Variants in NRXN1 observed in about 807,000 individuals in gnomAD.
The protein encoded by NRXN1 is neurexin 1, also known as neurexin-1.
NRXN1 carries 39 observed loss-of-function variants against 150.9 expected under a neutral mutation model. That is an observed-to-expected ratio of 0.26 (90% CI 0.20 to 0.34). The LOEUF (loss-of-function observed/expected upper bound fraction) is 0.34, where lower values mean the gene tolerates loss of function less well. Ranked by LOEUF, NRXN1 falls within the 10% of genes least tolerant of loss-of-function variation. NRXN1 has a pLI of 1.00. For missense variants in NRXN1, 1,815 were observed against 1,949.9 expected (o/e 0.93, Z 1.30); for synonymous variants, 924 against 757.0 (o/e 1.22, Z -3.62).
chr2:50,942,857 T>C (rs537830708), intron 2 of NRXN1, among the ~76,000 whole-genome samples: 14 of 152,262 alleles, frequency 9.2e-5, no homozygotes, highest in African/African-American at 3.4e-4. Context: ...GAAGGCATGA[T>C]TGGTTTTGAA....
At chr2:50,806,315 C>T (rs940764766) in intron 5 of NRXN1, among the ~76,000 whole-genome samples, 1 of 152,072 alleles carries the variant, frequency 6.6e-6, no homozygotes, top group Non-Finnish European at 1.5e-5. Context: ...ATGGCTTCCA[C>T]GTTTGTAAAT....
At chr2:50,880,525 T>C (rs1359410358) in intron 5 of NRXN1, among the ~76,000 whole-genome samples, 1 of 152,034 alleles carries the variant, frequency 6.6e-6, no homozygotes, top group South Asian at 2.1e-4. Flanking sequence ...TACTCACTCA[T>C]CTTTGTTTTA....
intron 2 of NRXN1, among the ~76,000 whole-genome samples, chr2:50,952,327 T>C (rs1691523116): frequency 6.6e-6 from 1 of 152,126 alleles, no homozygotes; most frequent in East Asian, 1.9e-4. Context: ...TTCTCACACA[T>C]ACAAATACAA....
chr2:50,709,801 T>C (rs932936549), intron 5 of NRXN1, among the ~76,000 whole-genome samples: 1 of 152,192 alleles, frequency 6.6e-6, no homozygotes, highest in Non-Finnish European at 1.5e-5. Flanking sequence ...CTTTGGCTCA[T>C]ATTAAATTAC....
intron 5 of NRXN1, among the ~76,000 whole-genome samples, chr2:50,700,709 T>C (rs1042420766): frequency 2.2e-5 from 1 of 46,496 alleles, no homozygotes; most frequent in African/African-American, 2.7e-4. Flanking sequence ...ATTGACCATA[T>C]TTATTGATTT....
chr2:50,610,284 T>C (rs1677826308), intron 8 of NRXN1, among the ~76,000 whole-genome samples: 1 of 152,092 alleles, frequency 6.6e-6, no homozygotes, highest in Non-Finnish European at 1.5e-5. Flanking sequence ...CTTAGCAATG[T>C]GTTTTCTGAT....
At chr2:50,984,290 T>C (rs1480470257) in intron 2 of NRXN1, among the ~76,000 whole-genome samples, 3 of 151,700 alleles carry the variant, frequency 2.0e-5, no homozygotes, top group Non-Finnish European at 4.4e-5. Context: ...GTTCTCTGTA[T>C]TAGGCTGCCC....
At chr2:50,180,016 T>G in intron 18 of NRXN1, among the ~76,000 whole-genome samples, 1 of 152,112 alleles carries the variant, frequency 6.6e-6, no homozygotes, top group South Asian at 2.1e-4. Flanking sequence ...GAATTTTTAA[T>G]TTTAATATTA....
chr2:50,722,935 CCTT>C (rs1430227433), intron 5 of NRXN1, among the ~76,000 whole-genome samples: 1 of 152,110 alleles, frequency 6.6e-6, no homozygotes, highest in Non-Finnish European at 1.5e-5. Flanking sequence ...TCCAACTCCT[CCTT>C]TGTAATTTTA....
chr2:50,799,914 A>G (rs926099773), intron 5 of NRXN1, among the ~76,000 whole-genome samples: 2 of 152,144 alleles, frequency 1.3e-5, no homozygotes, highest in Non-Finnish European at 2.9e-5. Context: ...ACACACACAC[A>G]CGAGAGAGAC....
chr2:50,292,226 A>G (rs2073015064), intron 17 of NRXN1, among the ~76,000 whole-genome samples: 1 of 152,204 alleles, frequency 6.6e-6, no homozygotes, highest in African/African-American at 2.4e-5. Flanking sequence ...TATGACAACT[A>G]TATAAAATTG....
chr2:50,073,694 T>C (rs1696631614), intron 19 of NRXN1, among the ~76,000 whole-genome samples: 1 of 152,192 alleles, frequency 6.6e-6, no homozygotes, highest in African/African-American at 2.4e-5. Context: ...TCTCTGCTAA[T>C]CATTTGTAGA....
intron 18 of NRXN1, among the ~76,000 whole-genome samples, chr2:50,231,518 G>T (rs999184940): frequency 1.2e-4 from 18 of 152,046 alleles, no homozygotes; most frequent in African/African-American, 4.3e-4. Flanking sequence ...TAAGAGCTTG[G>T]TTTCAAAATA....
intron 2 of NRXN1, among the ~76,000 whole-genome samples, chr2:51,022,216 G>T (rs1669722960): frequency 6.6e-6 from 1 of 152,064 alleles, no homozygotes; most frequent in South Asian, 2.1e-4. Context: ...CTTACAAAAT[G>T]CTTACTATGT....
chr2:50,630,475 A>C (rs1334043402), intron 5 of NRXN1, among the ~76,000 whole-genome samples: 1 of 151,744 alleles, frequency 6.6e-6, no homozygotes, highest in Non-Finnish European at 1.5e-5. Flanking sequence ...ATGCCTCTGT[A>C]TCTTCTAACT....
intron 17 of NRXN1, among the ~76,000 whole-genome samples, chr2:50,342,828 G>T (rs1028365564): frequency 5.3e-5 from 8 of 152,220 alleles, no homozygotes; most frequent in Non-Finnish European, 7.4e-5. Flanking sequence ...CATAGGCCTT[G>T]ATTCTAATTC....
intron 5 of NRXN1, among the ~76,000 whole-genome samples, chr2:50,735,856 C>T (rs1698674599): frequency 6.6e-6 from 1 of 152,118 alleles, no homozygotes; most frequent in African/African-American, 2.4e-5. Flanking sequence ...TGCCGTACTG[C>T]CAACTTTCCA....
chr2:50,018,235 C>T (rs116225528), intron 21 of NRXN1, among the ~76,000 whole-genome samples: 81 of 152,218 alleles, frequency 5.3e-4, no homozygotes, highest in Non-Finnish European at 1.0e-3. Flanking sequence ...TAAGGCTGGA[C>T]GTTTTTCAGA....
chr2:50,444,396 T>A (rs2086222006), intron 17 of NRXN1, among the ~76,000 whole-genome samples: 1 of 152,172 alleles, frequency 6.6e-6, no homozygotes, highest in East Asian at 1.9e-4. Context: ...CTCAGTAAAT[T>A]ACAGCACCCA....
Sources: allele counts gnomAD v4.1 joint callset (sites outside exome capture counted in the v4.1 genomes callset), GRCh38; gene constraint gnomAD v4.1.1; transcripts MANE v1.5; gene names NCBI Gene and HGNC (gene_info 2026-07-23, HGNC 2026-07-21).